Variants in DPP6 observed in about 807,000 individuals in gnomAD.
The protein encoded by DPP6 is dipeptidyl peptidase like 6.
A neutral mutation model predicts 122.6 loss-of-function variants in DPP6; 69 were observed. The ratio of observed to expected loss-of-function variants is 0.56; its 90% CI spans 0.46 to 0.69. The LOEUF (loss-of-function observed/expected upper bound fraction) is 0.69. DPP6 is among the 30% of genes least tolerant of loss of function. The pLI is 0.00. For synonymous variants in DPP6, 418 were observed against 433.1 expected (o/e 0.97, Z 0.43); for missense variants, 928 against 1,116.9 (o/e 0.83, Z 2.41).
At chr7:154,575,277 G>A (rs1276194194) in intron 5 of DPP6, among the ~76,000 whole-genome samples, 1 of 122,652 alleles carries the variant, frequency 8.2e-6, no homozygotes, top group Non-Finnish European at 1.7e-5. Flanking sequence ...GTATGTGTAT[G>A]TATGTGGTGT....
chr7:154,121,815 A>G (rs1009724436), intron 1 of DPP6, among the ~76,000 whole-genome samples: 26 of 152,250 alleles, frequency 1.7e-4, no homozygotes, highest in Non-Finnish European at 3.1e-4. Context: ...TGTTCCCACC[A>G]GAGCATGCCA....
the DPP6 span, among the ~76,000 whole-genome samples, chr7:153,752,676 G>A: frequency 3.0e-4 from 38 of 124,852 alleles, 1 homozygote; most frequent in Non-Finnish European, 5.4e-4. Context: ...TGGTAACTTG[G>A]TAAAGATCAC....
rs774222176 is a variant in DPP6, at chr7:154,803,967, C to G, written c.1499+12C>G. On this transcript the variant is annotated intron_variant, in intron 14 of 25. Transcript: ENST00000377770. ...AAGGGGAATAAGATGTGAGTGAGAA[C>G]CAGGGGCCTGCCCCATCTTACTGGC... 1.9e-6 allele frequency: 3 copies of G among 1,612,412 alleles called. No homozygotes were observed. In the South Asian group the frequency reaches 3.3e-5, roughly 18 times the overall value.
rs188476992 is a variant in DPP6 at position 154,140,268 on chromosome 7, C to A, written c.243+87205C>A. Among the ~76,000 whole-genome samples, 505 of 152,308 alleles carry A rather than the reference C, an allele frequency of 3.3e-3. 2 individuals are homozygous for A. The highest frequency in any genetic ancestry group is 0.017 in the Middle Eastern group (5 of 294). On this transcript the variant is annotated intron_variant, in intron 1 of 25. Transcript: ENST00000377770. ...GATTAAACAACCATGATTCTGTTTG[C>A]AAACACCAATCCACACATTATGAAA... is the stretch of plus-strand genomic sequence containing the variant.
intron 1 of DPP6, among the ~76,000 whole-genome samples, chr7:154,229,824 G>A (rs915276919): frequency 1.3e-5 from 2 of 151,650 alleles, no homozygotes; most frequent in African/African-American, 4.9e-5. Flanking sequence ...CATCAAACTA[G>A]ATCCTGTTCA....
At chr7:154,860,677 C>T (rs2150598399) in intron 17 of DPP6, among the ~76,000 whole-genome samples, 1 of 152,338 alleles carries the variant, frequency 6.6e-6, no homozygotes, top group Non-Finnish European at 1.5e-5. Flanking sequence ...GGGTCTTGTC[C>T]AGTCCTAACA....
intron 16 of DPP6, among the ~76,000 whole-genome samples, chr7:154,827,633 G>A (rs1215163658): frequency 1.3e-5 from 2 of 151,190 alleles, no homozygotes; most frequent in Admixed American, 6.6e-5. Flanking sequence ...AGAGTGAGGA[G>A]GGGGTGTCTC....
intron 6 of DPP6, among the ~76,000 whole-genome samples, chr7:154,645,697 G>A (rs1216537240): frequency 6.6e-6 from 1 of 152,116 alleles, no homozygotes; most frequent in Non-Finnish European, 1.5e-5. Flanking sequence ...ACTGTATGAT[G>A]AGGTGATGTC....
intron 1 of DPP6, among the ~76,000 whole-genome samples, chr7:153,957,027 G>A (rs779537786): frequency 2.7e-5 from 4 of 147,052 alleles, no homozygotes; most frequent in Admixed American, 6.7e-5. Flanking sequence ...AGAAGACTTC[G>A]GAAAAGTGTG....
the DPP6 span, among the ~76,000 whole-genome samples, chr7:153,757,389 A>G: frequency 6.6e-6 from 1 of 152,244 alleles, no homozygotes; most frequent in Non-Finnish European, 1.5e-5. Flanking sequence ...AAACCAAAAA[A>G]GCTGACAATT....
chr7:154,701,892 C>A (rs899170702), intron 7 of DPP6, among the ~76,000 whole-genome samples: 1 of 152,216 alleles, frequency 6.6e-6, no homozygotes, highest in Non-Finnish European at 1.5e-5. Context: ...AGGCACGTCT[C>A]ATCTCATTGC....
In DPP6 at chr7:154,807,186, C is replaced by T. The variant is rs114868042; in HGVS notation, c.1666+74C>T. The T allele has an allele frequency of 1.0e-3, 1,567 of 1,563,404 alleles. 14 individuals carry two copies. The African/African-American group carries it at 0.019, about 18-fold the overall frequency. ...TGCAGGGAGGGGGTGGGCACACTTG[C>T]AGGGAGGGGGCAGCGGCTGTGGTGG... On this transcript the variant is annotated intron_variant, in intron 16 of 25. Coordinates refer to ENST00000377770, the MANE Select transcript of DPP6 (RefSeq NM_130797.4).
intron 10 of DPP6, among the ~76,000 whole-genome samples, chr7:154,784,465 T>C (rs1335972185): frequency 6.6e-6 from 1 of 152,202 alleles, no homozygotes; most frequent in Non-Finnish European, 1.5e-5. Flanking sequence ...AACACTTCAC[T>C]GTTAAATCAC....
At chr7:154,724,878 C>T (rs1841991909) in intron 7 of DPP6, among the ~76,000 whole-genome samples, 1 of 152,150 alleles carries the variant, frequency 6.6e-6, no homozygotes, top group South Asian at 2.1e-4. Flanking sequence ...TATGAGCATA[C>T]TTAATGCACT....
the DPP6 span, among the ~76,000 whole-genome samples, chr7:153,840,042 T>C: frequency 4.6e-5 from 7 of 152,136 alleles, no homozygotes; most frequent in African/African-American, 1.4e-4. Context: ...TGTCCTGGAG[T>C]CCTTATGAGA....
At chr7:154,640,309 C>T (rs916353347) in intron 6 of DPP6, among the ~76,000 whole-genome samples, 3 of 152,064 alleles carry the variant, frequency 2.0e-5, no homozygotes, top group Non-Finnish European at 1.5e-5. Context: ...AGAGAACAAA[C>T]GTGATAGCTA....
intron 16 of DPP6, among the ~76,000 whole-genome samples, chr7:154,817,481 CT>C (rs1276809118): frequency 2.0e-5 from 3 of 151,850 alleles, no homozygotes; most frequent in Non-Finnish European, 4.4e-5. Context: ...ATATGAGCAA[CT>C]TCAAGAGTAA....
At chr7:154,377,469 T>C (rs1813225761) in intron 1 of DPP6, among the ~76,000 whole-genome samples, 1 of 152,176 alleles carries the variant, frequency 6.6e-6, no homozygotes, top group Non-Finnish European at 1.5e-5. Context: ...TGGCTCTGTG[T>C]CTCCACCCAA....
intron 16 of DPP6, among the ~76,000 whole-genome samples, chr7:154,848,647 A>G (rs1473710818): frequency 6.6e-6 from 1 of 152,320 alleles, no homozygotes; most frequent in South Asian, 2.1e-4. Context: ...TTTCTTTGCT[A>G]TGCAGAAATT....
Sources: allele counts gnomAD v4.1 joint callset (sites outside exome capture counted in the v4.1 genomes callset), GRCh38; gene constraint gnomAD v4.1.1; transcripts MANE v1.5; gene names NCBI Gene and HGNC (gene_info 2026-07-23, HGNC 2026-07-21).